Variants in GLIPR1 observed in about 807,000 individuals in gnomAD.
GLIPR1 encodes GLI pathogenesis related 1.
Under a neutral mutation model 30.3 loss-of-function variants are expected in GLIPR1, and 38 were observed. The ratio of observed to expected loss-of-function variants is 1.26; its 90% CI spans 0.97 to 1.65. The LOEUF is 1.65. GLIPR1 is among the 40% of genes most tolerant of loss of function. The pLI is 0.00. For synonymous variants in GLIPR1, 122 were observed against 110.6 expected (o/e 1.10, Z -0.65); for missense variants, 285 against 326.5 (o/e 0.87, Z 0.98).
chr12:75,496,461 T>C (rs2046352229), intron 4 of GLIPR1: 1 of 152,198 alleles, frequency 6.6e-6, no homozygotes, highest in Admixed American at 6.5e-5. Flanking sequence ...CCAAGGATGT[T>C]TTACTAAACA....
rs369269907 is a variant in GLIPR1 at position 75,481,854 on chromosome 12, C to A, written c.195C>A (p.Ala65=). 1 of 1,613,924 alleles carries A rather than the reference C, an allele frequency of 6.2e-7. No homozygotes were observed. Among genetic ancestry groups the A allele is most frequent in the African/African-American group, 1.3e-5 (1 of 74,876 alleles). ...TGCAGACTTGGGACCCAGCACTAGC[C>A]CAAATTGCAAAAGCATGGGCCAGCA... is the stretch of plus-strand genomic sequence containing the variant. The part of the protein sequence containing the change: ...MLYMTWDPAL[A]QIAKAWASNC... Residue 65 remains alanine (A), a synonymous_variant, in exon 2 of 6, where the codon GCC becomes GCA. Coordinates refer to ENST00000266659, the MANE Select transcript of GLIPR1 (RefSeq NM_006851.3).
intron 4 of GLIPR1, 113 bp from the exon 5 acceptor site, chr12:75,498,581 A>C (rs187128127): frequency 3.8e-6 from 3 of 799,322 alleles, no homozygotes; most frequent in Non-Finnish European, 6.2e-6. Context: ...AGTCACTGCA[A>C]TAAAGCCAAA....
chr12:75,487,719 A>C (rs551611116), intron 2 of GLIPR1: 7 of 454,232 alleles, frequency 1.5e-5, no homozygotes, highest in South Asian at 1.1e-4. Context: ...CTCTTGCCTC[A>C]CTTCCTACTC....
At chr12:75,481,553 G>A in intron 1 of GLIPR1, 1 of 409,562 alleles carries the variant, frequency 2.4e-6, no homozygotes, top group East Asian at 4.4e-5. Flanking sequence ...GGCTGTTGTG[G>A]TTATGGAATA....
At chr12:75,497,579 G>A (rs189990948) in intron 4 of GLIPR1, 1 of 152,254 alleles carries the variant, frequency 6.6e-6, no homozygotes, top group Admixed American at 6.5e-5. Context: ...AGTAAGATTT[G>A]TGACTAAAAA....
Position 75,482,405 on chromosome 12 carries a change from T to A in GLIPR1, c.420+326T>A, listed in dbSNP as rs1252017188. ...GGATTTTCAGGTTCCAGCTGTAGCA[T>A]GAGTTTTAAATGAAATTTGAGCCAA... On this transcript the variant is annotated intron_variant, in intron 2 of 5. Transcript: ENST00000266659. 5.9e-5 allele frequency among the ~76,000 whole-genome samples: 9 copies of A among 152,184 alleles called. No homozygotes were observed. In the South Asian group the frequency reaches 1.4e-3, roughly 25 times the overall value.
chr12:75,481,205 T>C, intron 1 of GLIPR1, 151 bp downstream of exon 1: 3 of 572,368 alleles, frequency 5.2e-6, no homozygotes, highest in Non-Finnish European at 9.0e-6. Flanking sequence ...TCAAAACACA[T>C]CCAGTTTAGC....
At chr12:75,490,315 G>A in intron 2 of GLIPR1, 91 bp from the exon 3 acceptor site, 1 of 718,734 alleles carries the variant, frequency 1.4e-6, no homozygotes, top group East Asian at 2.6e-5. Flanking sequence ...TCTAACTAGA[G>A]TGGTATACCT....
At chr12:75,492,943 T>C (rs1317999254) in intron 3 of GLIPR1, 1 of 152,226 alleles carries the variant, frequency 6.6e-6, no homozygotes, top group Non-Finnish European at 1.5e-5. Flanking sequence ...TCTTGTGTTA[T>C]ATTTAAGCTT....
chr12:75,499,848 C>G lies in GLIPR1; in HGVS notation c.*870C>G. On this transcript the variant is annotated 3_prime_UTR_variant, in exon 6 of 6. Coordinates refer to ENST00000266659, the MANE Select transcript of GLIPR1 (RefSeq NM_006851.3). The stretch of plus-strand genomic sequence containing the variant: ...TCTTTTTCTTTTCATCTGCCTCCAT[C>G]TTAAGTGCAATTTCTTCAGCTGTAA... The G allele has an allele frequency of 6.2e-7, 1 of 1,607,306 alleles. No individual in the cohort carries two copies. Among genetic ancestry groups the G allele is most frequent in the Non-Finnish European group, 8.5e-7 (1 of 1,177,324 alleles).
intron 4 of GLIPR1, 52 bp downstream of exon 4, chr12:75,495,714 C>T: frequency 1.9e-6 from 2 of 1,027,598 alleles, no homozygotes; most frequent in Non-Finnish European, 3.0e-6. Context: ...TAACATGTAA[C>T]TTTCTACAGA....
Position 75,499,682 on chromosome 12 carries a change from GAAC to G in GLIPR1, c.*708_*710del, listed in dbSNP as rs970625503. 7.1e-5 allele frequency: 38 copies of G among 534,712 alleles called. No homozygotes were observed. The highest frequency in any genetic ancestry group is 5.2e-4 in the Middle Eastern group (1 of 1,934). The allele number at this position is 534,712 out of a possible 1,614,324, so 33.1% of individuals were successfully genotyped here. On this transcript the variant is annotated 3_prime_UTR_variant, in exon 6 of 6. Transcript: ENST00000266659. Reference sequence around the variant, plus strand: ...TAATTTATAAAGAACACTCTTCTATGAACAACCACCACCACCAAAAAAAAAAAA... The same window carrying G: ...TAATTTATAAAGAACACTCTTCTATGAACCACCACCACCAAAAAAAAAAAA...
chr12:75,490,443 T>C lies in GLIPR1; in HGVS notation c.458T>C (p.Val153Ala). The change falls in exon 3 of 6, where the codon GTT becomes GCT. Residue 153 changes from valine (V) to alanine (A), a missense_variant. Physicochemically the swap from Val to Ala is moderately conservative, Grantham distance 64 (BLOSUM62 0). Coordinates refer to ENST00000266659, the MANE Select transcript of GLIPR1 (RefSeq NM_006851.3). ...WADSYKVGCA[V>A]QFCPKVSGFD... ...GATAGTTACAAAGTTGGCTGCGCAGTTCAATTTTGCCCTAAAGTTTCTGGC... is the reference window on the plus strand; with the variant it reads ...GATAGTTACAAAGTTGGCTGCGCAGCTCAATTTTGCCCTAAAGTTTCTGGC... The C allele has an allele frequency of 6.2e-7, 1 of 1,606,006 alleles. No homozygotes were observed. The highest frequency in any genetic ancestry group is 8.5e-7 in the Non-Finnish European group (1 of 1,174,072).
At position 75,486,810 on chromosome 12, in the gene GLIPR1, T is replaced by A. The variant is rs77647684; in HGVS notation, c.421-3596T>A. 6.4e-5 allele frequency among the ~76,000 whole-genome samples: 9 copies of A among 141,366 alleles called. No individual in the cohort carries two copies. In the East Asian group the frequency reaches 1.9e-3, roughly 30 times the overall value. 92.7% of individuals were successfully genotyped at this position (141,366 alleles called of 152,430 possible). On this transcript the variant is annotated intron_variant, in intron 2 of 5. Transcript: ENST00000266659. ...CAGATTAATGACTGCTGGGGTCTGGTGGGGGTTGACCACAAAGGGGCTCAA... is the reference window on the plus strand; with the variant it reads ...CAGATTAATGACTGCTGGGGTCTGGAGGGGGTTGACCACAAAGGGGCTCAA...
Position 75,498,897 on chromosome 12 carries a change from T to A in GLIPR1, c.720T>A (p.Val240=), listed in dbSNP as rs59314206. Residue 240 remains valine, a synonymous_variant, in exon 6 of 6, where the codon GTT becomes GTA. Coordinates refer to ENST00000266659, the MANE Select transcript of GLIPR1 (RefSeq NM_006851.3). ...GATACACTTCTCTCTTTCTCATTGTTAATTCAGTAATTCTAATACTGTCTG... is the reference window on the plus strand; with the variant it reads ...GATACACTTCTCTCTTTCTCATTGTAAATTCAGTAATTCTAATACTGTCTG... The part of the protein sequence containing the change: ...RNRYTSLFLI[V]NSVILILSVI... 8 of 1,606,396 alleles carry A rather than the reference T, an allele frequency of 5.0e-6. No homozygotes were observed. Among genetic ancestry groups the A allele is most frequent in the Non-Finnish European group, 6.8e-6 (8 of 1,173,358 alleles).
rs1346595207 is a variant in GLIPR1 at position 75,501,891 on chromosome 12, T to C, written c.*2913T>C. 6.3e-7 allele frequency: 1 copy of C among 1,598,940 alleles called. No individual in the cohort carries two copies. The highest frequency in any genetic ancestry group is 1.7e-5 in the Admixed American group (1 of 57,618). ...TAATTCAAGTATCTATGAACTTTGC[T>C]ATTCATGTGAGCCAGACATAAAGTG... is the stretch of plus-strand genomic sequence containing the variant. On this transcript the variant is annotated 3_prime_UTR_variant, in exon 6 of 6. Transcript: ENST00000266659.
chr12:75,484,094 A>G (rs1007867428), intron 2 of GLIPR1: 12 of 152,162 alleles, frequency 7.9e-5, no homozygotes, highest in Admixed American at 2.0e-4. Flanking sequence ...GAGGACTAAT[A>G]TTTTGGTCAT....
Position 75,501,550 on chromosome 12 carries a change from G to A in GLIPR1, c.*2572G>A. 1.7e-6 allele frequency: 1 copy of A among 576,968 alleles called. No homozygotes were observed. Among genetic ancestry groups the A allele is most frequent in the Non-Finnish European group, 3.0e-6 (1 of 327,976 alleles). The allele number at this position is 576,968 out of a possible 1,614,324, so 35.7% of individuals were successfully genotyped here. On this transcript the variant is annotated 3_prime_UTR_variant, in exon 6 of 6. Coordinates refer to ENST00000266659, the MANE Select transcript of GLIPR1 (RefSeq NM_006851.3). ...GTTTGCACTGAAATAGGCATTAGCTGCCTCTAAATTATAAATTATCTCAGC... is the reference window on the plus strand; with the variant it reads ...GTTTGCACTGAAATAGGCATTAGCTACCTCTAAATTATAAATTATCTCAGC...
rs1197018411 is a variant in GLIPR1, at chr12:75,501,851, G to A, written c.*2873G>A. The A allele has an allele frequency of 1.3e-6, 2 of 1,566,502 alleles. No individual in the cohort carries two copies. The highest frequency in any genetic ancestry group is 1.4e-5 in the African/African-American group (1 of 73,460). On this transcript the variant is annotated 3_prime_UTR_variant, in exon 6 of 6. Coordinates refer to ENST00000266659, the MANE Select transcript of GLIPR1 (RefSeq NM_006851.3). ...TAAATAAAAAATATATCAGTTAAAT[G>A]TATTTATAGTTAAATAATTCAAGTA...
Sources: allele counts gnomAD v4.1 joint callset (sites outside exome capture counted in the v4.1 genomes callset), GRCh38; gene constraint gnomAD v4.1.1; transcripts MANE v1.5; gene names NCBI Gene and HGNC (gene_info 2026-07-23, HGNC 2026-07-21).